CSNK2A2IP: variants seen among roughly 807,000 people sequenced by gnomAD.
The protein encoded by CSNK2A2IP is casein kinase II subunit alpha'-interacting protein.
the CSNK2A2IP span, among the ~76,000 whole-genome samples, chr3:88,364,630 A>T: frequency 2.0e-5 from 3 of 152,164 alleles, no homozygotes; most frequent in East Asian, 5.8e-4. Context: ...TTGTTGATTG[A>T]TGACTTGTAA....
At chr3:88,414,667 T>C in the CSNK2A2IP span, among the ~76,000 whole-genome samples, 1 of 151,960 alleles carries the variant, frequency 6.6e-6, no homozygotes, top group African/African-American at 2.4e-5. Flanking sequence ...GTATACAATT[T>C]TTAAAATGTT....
the CSNK2A2IP span, among the ~76,000 whole-genome samples, chr3:88,399,407 AG>A: frequency 6.6e-6 from 1 of 152,222 alleles, no homozygotes; most frequent in Non-Finnish European, 1.5e-5. Context: ...GAAAAGAACT[AG>A]GGTAGCCAAA....
At chr3:88,455,337 G>GGTT in the CSNK2A2IP span, among the ~76,000 whole-genome samples, 1 of 151,834 alleles carries the variant, frequency 6.6e-6, no homozygotes, top group Non-Finnish European at 1.5e-5. Context: ...CATACCAGTA[G>GGTT]GTTCTTTTTT....
chr3:88,340,242 A>C, the CSNK2A2IP span, among the ~76,000 whole-genome samples: 1 of 151,894 alleles, frequency 6.6e-6, no homozygotes, highest in Non-Finnish European at 1.5e-5. Context: ...GCCATGAGGT[A>C]GTATTTAGGA....
chr3:88,376,855 T>C, the CSNK2A2IP span, among the ~76,000 whole-genome samples: 1 of 151,856 alleles, frequency 6.6e-6, no homozygotes, highest in Admixed American at 6.6e-5. Context: ...TCTGAATTCT[T>C]ATCCTCTTTA....
chr3:88,449,637 C>T, the CSNK2A2IP span, among the ~76,000 whole-genome samples: 1 of 150,236 alleles, frequency 6.7e-6, no homozygotes, highest in Non-Finnish European at 1.5e-5. Flanking sequence ...CCCTGCAACC[C>T]CCCATGTCCT....
chr3:88,366,998 TA>T, the CSNK2A2IP span, among the ~76,000 whole-genome samples: 2 of 151,966 alleles, frequency 1.3e-5, no homozygotes, highest in Non-Finnish European at 2.9e-5. Flanking sequence ...GAGAAGAGTA[TA>T]GGGGAAACCG....
chr3:88,340,483 A>G, the CSNK2A2IP span, among the ~76,000 whole-genome samples: 4 of 151,922 alleles, frequency 2.6e-5, no homozygotes, highest in Non-Finnish European at 4.4e-5. Context: ...AAAATTCCTC[A>G]CTTTTCAGAA....
chr3:88,428,475 C>G, the CSNK2A2IP span, among the ~76,000 whole-genome samples: 5 of 152,054 alleles, frequency 3.3e-5, no homozygotes, highest in Non-Finnish European at 5.9e-5. Flanking sequence ...TGCTTTGGCT[C>G]TGTGTCCCCA....
chr3:88,423,816 T>C, the CSNK2A2IP span, among the ~76,000 whole-genome samples: 3 of 152,318 alleles, frequency 2.0e-5, no homozygotes, highest in East Asian at 5.8e-4. Context: ...CCTACTGTGA[T>C]ATTTCAAGTG....
At chr3:88,449,749 T>C in the CSNK2A2IP span, among the ~76,000 whole-genome samples, 59 of 106,016 alleles carry the variant, frequency 5.6e-4, no homozygotes, top group African/African-American at 1.7e-3. Context: ...TTTCCAAATA[T>C]ACCTTTTTTC....
chr3:88,418,459 T>TGCGCGC, the CSNK2A2IP span, among the ~76,000 whole-genome samples: 16 of 80,746 alleles, frequency 2.0e-4, no homozygotes, highest in Admixed American at 4.5e-4. Context: ...TGTGTGTGTG[T>TGCGCGC]GTGTGCGCGC....
chr3:88,463,555 T>C, the CSNK2A2IP span, among the ~76,000 whole-genome samples: 2 of 152,142 alleles, frequency 1.3e-5, no homozygotes, highest in Non-Finnish European at 2.9e-5. Flanking sequence ...GAAAAAATGC[T>C]CATCATCACT....
At chr3:88,353,593 A>T in the CSNK2A2IP span, among the ~76,000 whole-genome samples, 1 of 152,126 alleles carries the variant, frequency 6.6e-6, no homozygotes, top group African/African-American at 2.4e-5. Context: ...AACTACTGAG[A>T]TTTTAGGGGT....
At chr3:88,384,409 G>A in the CSNK2A2IP span, among the ~76,000 whole-genome samples, 2 of 151,752 alleles carry the variant, frequency 1.3e-5, no homozygotes, top group Non-Finnish European at 2.9e-5. Flanking sequence ...GCCATCTGAA[G>A]AGCCAGCGAA....
At chr3:88,402,420 T>A in the CSNK2A2IP span, among the ~76,000 whole-genome samples, 1 of 152,050 alleles carries the variant, frequency 6.6e-6, no homozygotes, top group African/African-American at 2.4e-5. Flanking sequence ...CAGGATTTAC[T>A]TCAGAAAAAC....
chr3:88,368,369 G>T, the CSNK2A2IP span, among the ~76,000 whole-genome samples: 4 of 151,956 alleles, frequency 2.6e-5, no homozygotes, highest in Non-Finnish European at 5.9e-5. Flanking sequence ...AGAAAAGTTG[G>T]CTAGAGAGTG....
the CSNK2A2IP span, among the ~76,000 whole-genome samples, chr3:88,388,240 A>G: frequency 0.03 from 4,561 of 152,270 alleles, 244 homozygotes; most frequent in African/African-American, 0.1. Context: ...ACACTCACAT[A>G]CTATTATTGT....
At chr3:88,405,366 C>T in the CSNK2A2IP span, among the ~76,000 whole-genome samples, 44 of 152,060 alleles carry the variant, frequency 2.9e-4, no homozygotes, top group Admixed American at 1.8e-3. Context: ...TTTTAACCTC[C>T]GGTGAGCTTA....
Sources: gnomAD v4.1 joint callset for allele counts (sites outside exome capture counted in the v4.1 genomes callset) on GRCh38, gnomAD v4.1.1 for gene constraint, MANE v1.5 for transcripts, NCBI Gene and HGNC (gene_info 2026-07-23, HGNC 2026-07-21) for gene names.